ANO4: variants seen among roughly 807,000 people sequenced by gnomAD.
ANO4 encodes anoctamin 4, also known as anoctamin-4.
Under a neutral mutation model 141.9 loss-of-function variants are expected in ANO4, and 69 were observed. That is an observed-to-expected ratio of 0.49 (90% CI 0.40 to 0.59). The LOEUF is 0.59. Among genes scored for constraint, ANO4 ranks in the 20% least tolerant of loss-of-function variants. The probability of loss-of-function intolerance (pLI) is 0.00; values close to 1 mark genes in which losing one functional copy is unlikely to be tolerated. For missense variants in ANO4, 894 were observed against 1,162.2 expected, an observed-to-expected ratio of 0.77 and a Z score of 3.36; for synonymous variants, 350 against 394.3, an observed-to-expected ratio of 0.89 and a Z score of 1.33.
intron 5 of ANO4, among the ~76,000 whole-genome samples, chr12:100,953,013 C>G (rs1284797190): frequency 1.3e-5 from 2 of 152,150 alleles, no homozygotes; most frequent in Non-Finnish European, 2.9e-5. Context: ...CTGAAAAACT[C>G]AAGTCATTTT....
chr12:100,912,221 T>C (rs1910160), intron 2 of ANO4, among the ~76,000 whole-genome samples: 116,377 of 151,544 alleles, frequency 0.77, 45,276 homozygotes, highest in African/African-American at 0.89. Context: ...CATGGGGAAA[T>C]CCGTCTCTAC....
At chr12:100,742,293 A>G (rs2031904399) in intron 3 of ANO4, among the ~76,000 whole-genome samples, 1 of 152,114 alleles carries the variant, frequency 6.6e-6, no homozygotes, top group Non-Finnish European at 1.5e-5. Context: ...ATTTTTTAGA[A>G]CAAATTGTTG....
At chr12:100,865,676 C>T (rs1279265209) in intron 1 of ANO4, among the ~76,000 whole-genome samples, 2 of 152,006 alleles carry the variant, frequency 1.3e-5, no homozygotes, top group Non-Finnish European at 2.9e-5. Flanking sequence ...TTTATTTTAC[C>T]CTGTTGATGC....
At chr12:100,921,133 C>G (rs1171071919) in intron 2 of ANO4, among the ~76,000 whole-genome samples, 4 of 152,062 alleles carry the variant, frequency 2.6e-5, no homozygotes, top group Non-Finnish European at 4.4e-5. Flanking sequence ...GCCTGAGAAT[C>G]TACTTTGTTG....
chr12:101,041,451 G>A (rs1306705135), intron 11 of ANO4, among the ~76,000 whole-genome samples: 1 of 152,170 alleles, frequency 6.6e-6, no homozygotes, highest in Non-Finnish European at 1.5e-5. Flanking sequence ...CATGTTACAG[G>A]ATTACATTGA....
chr12:101,096,761 A>C, intron 19 of ANO4, 114 bp downstream of exon 19: 2 of 764,880 alleles, frequency 2.6e-6, no homozygotes, highest in East Asian at 5.2e-5. Flanking sequence ...AAGTGTAAAA[A>C]GGGAAGAGCA....
intron 15 of ANO4, 32 bp downstream of exon 15, chr12:101,079,307 A>G (rs754328563): frequency 1.3e-6 from 2 of 1,583,412 alleles, no homozygotes; most frequent in Admixed American, 3.4e-5. Flanking sequence ...ATGTTGTAAA[A>G]AGCAAATCAC....
chr12:101,004,278 C>T lies in ANO4; in HGVS notation c.735-15756C>T, dbSNP rs2045779805. On this transcript the variant is annotated intron_variant, in intron 8 of 27. Coordinates refer to ENST00000392977, the MANE Select transcript of ANO4 (RefSeq NM_001286615.2). ...AATGAAGAGGTTGGGGTTATCGGAA[C>T]CAAGATGCTCAGAGAGGCCCTGTGG... Among the ~76,000 whole-genome samples, 3 of 152,128 alleles carry T rather than the reference C, an allele frequency of 2.0e-5. No individual in the cohort carries two copies. In the South Asian group the frequency reaches 6.2e-4, roughly 32 times the overall value.
intron 2 of ANO4, among the ~76,000 whole-genome samples, chr12:100,736,874 A>G (rs1383031654): frequency 6.6e-6 from 1 of 152,128 alleles, no homozygotes; most frequent in Non-Finnish European, 1.5e-5. Context: ...AGAGGCATGG[A>G]ACAGATTCTC....
upstream of ANO4, among the ~76,000 whole-genome samples, chr12:100,794,278 A>T (rs1275971125): frequency 6.6e-6 from 1 of 152,146 alleles, no homozygotes; most frequent in Non-Finnish European, 1.5e-5. Flanking sequence ...GCACATCAGT[A>T]GGGCTGTCTG....
At chr12:101,039,272 A>AG (rs1360425567) in intron 10 of ANO4, among the ~76,000 whole-genome samples, 2 of 152,158 alleles carry the variant, frequency 1.3e-5, no homozygotes, top group Non-Finnish European at 2.9e-5. Context: ...TGGGAGGCCG[A>AG]GGGGGACAGA....
chr12:101,111,616 G>A lies in ANO4; in HGVS notation c.2356G>A (p.Ala786Thr). 1 of 1,612,170 alleles carries A rather than the reference G, an allele frequency of 6.2e-7. No individual in the cohort carries two copies. Among genetic ancestry groups the A allele is most frequent in the Non-Finnish European group, 8.5e-7 (1 of 1,179,136 alleles). ...TGGAATTCTCTCTGTTATCACAAAT[G>A]CATTTGTCATAGCGATAACATCTGA... ...GIGILSVITN[A>T]FVIAITSDFI... Residue 786 changes from alanine (A) to threonine (T), a missense_variant, in exon 24 of 28, where the codon GCA becomes ACA. Around this residue, in one of 2 missense-constraint regions of ANO4, gnomAD observed 637 missense variants for 909.2 expected, o/e 0.70. Transcript: ENST00000392977.
intron 11 of ANO4, among the ~76,000 whole-genome samples, chr12:101,041,551 C>A (rs761958801): frequency 6.6e-6 from 1 of 152,168 alleles, no homozygotes; most frequent in Non-Finnish European, 1.5e-5. Context: ...TTAGTCAATG[C>A]ATATTAATTA....
chr12:100,832,417 G>T (rs1395287359), intron 1 of ANO4, among the ~76,000 whole-genome samples: 4 of 152,040 alleles, frequency 2.6e-5, no homozygotes, highest in African/African-American at 9.7e-5. Flanking sequence ...CTGTGAAAAT[G>T]CATGTTAAAG....
At chr12:100,799,065 T>C (rs2034524877) in intron 1 of ANO4, among the ~76,000 whole-genome samples, 1 of 152,124 alleles carries the variant, frequency 6.6e-6, no homozygotes, top group Non-Finnish European at 1.5e-5. Context: ...CAGAGAGATA[T>C]CTTCAAGCCC....
chr12:101,020,128 A>G lies in ANO4; in HGVS notation c.829A>G (p.Lys277Glu). ...ILQRIKYEEG[K>E]NKIGLNRLLT... is the part of the protein sequence containing the mutation. The stretch of plus-strand genomic sequence containing the variant: ...ACAAAGAATAAAATATGAAGAAGGA[A>G]AAAACAAGATTGGTAAGTAGTATGT... The change falls in exon 9 of 28, where the codon AAA becomes GAA. Residue 277 changes from lysine (K) to glutamate (E), a missense_variant. Lys to Glu is a moderately conservative substitution (Grantham distance 56). This residue lies in a region of ANO4 where 637 missense variants were observed against 909.2 expected (regional missense o/e 0.70). Coordinates refer to ENST00000392977, the MANE Select transcript of ANO4 (RefSeq NM_001286615.2). 1.2e-6 allele frequency: 2 copies of G among 1,604,608 alleles called. No homozygotes were observed. Among genetic ancestry groups the G allele is most frequent in the Non-Finnish European group, 1.7e-6 (2 of 1,171,666 alleles).
At chr12:101,111,755 A>AT (rs777292156) in intron 24 of ANO4, 45 bp downstream of exon 24, 1 of 1,509,058 alleles carries the variant, frequency 6.6e-7, no homozygotes, top group African/African-American at 1.4e-5. Context: ...TTTCCTAGCC[A>AT]TTTTTTGAGG....
intron 14 of ANO4, among the ~76,000 whole-genome samples, chr12:101,058,393 G>A (rs1249253614): frequency 6.6e-6 from 1 of 152,192 alleles, no homozygotes; most frequent in Non-Finnish European, 1.5e-5. Context: ...TTCTAATTCT[G>A]TGAAGAAAGT....
Position 101,108,231 on chromosome 12 carries a change from A to C in ANO4, c.2150-2173A>C, listed in dbSNP as rs771677813. Among the ~76,000 whole-genome samples, 6 of 152,134 alleles carry C rather than the reference A, an allele frequency of 3.9e-5. No homozygotes were observed. In the South Asian group the frequency reaches 1.0e-3, roughly 26 times the overall value. On this transcript the variant is annotated intron_variant, in intron 22 of 27. Transcript: ENST00000392977. ...GAGAAGGCAGGAGAAAAATAAAACC[A>C]AGGTTGAAACAGAAGGGAACGCCCA...
Sources: allele counts gnomAD v4.1 joint callset (sites outside exome capture counted in the v4.1 genomes callset), GRCh38; gene constraint gnomAD v4.1.1; regional missense constraint gnomAD v4.1.1; transcripts MANE v1.5; gene names NCBI Gene and HGNC (gene_info 2026-07-23, HGNC 2026-07-21).